NAALADL2: variants seen among roughly 807,000 people sequenced by gnomAD.
NAALADL2 encodes inactive N-acetylated-alpha-linked acidic dipeptidase-like protein 2.
In NAALADL2, 76 loss-of-function variants were observed where a neutral mutation model predicts 87.2. The observed-to-expected ratio is 0.87, with a 90% CI of 0.72 to 1.05. The LOEUF (loss-of-function observed/expected upper bound fraction) is 1.05, where lower values mean the gene tolerates loss of function less well. Ranked by LOEUF, NAALADL2 falls within the 50% of genes least tolerant of loss-of-function variation. The pLI is 0.00. For missense variants in NAALADL2, 1,089 were observed against 945.8 expected, an observed-to-expected ratio of 1.15 and a Z score of -1.99; for synonymous variants, 354 against 331.0, an observed-to-expected ratio of 1.07 and a Z score of -0.75.
intron 1 of NAALADL2, among the ~76,000 whole-genome samples, chr3:174,939,189 G>A (rs1738194406): frequency 6.6e-6 from 1 of 151,932 alleles, no homozygotes; most frequent in African/African-American, 2.4e-5. Context: ...TTTGTATATG[G>A]TGTAAGATGT....
intron 2 of NAALADL2, among the ~76,000 whole-genome samples, chr3:175,219,433 T>C (rs1455585795): frequency 6.6e-6 from 1 of 152,190 alleles, no homozygotes; most frequent in African/African-American, 2.4e-5. Context: ...TGGATGAAAG[T>C]CTTTCATTAC....
intron 1 of NAALADL2, among the ~76,000 whole-genome samples, chr3:174,928,560 A>T (rs935195223): frequency 6.6e-6 from 1 of 152,182 alleles, no homozygotes; most frequent in African/African-American, 2.4e-5. Flanking sequence ...ATTTGTAACA[A>T]TGTAATCATA....
Position 175,795,500 on chromosome 3 carries a change from C to T in NAALADL2, c.2190-7505C>T, listed in dbSNP as rs578217363. On this transcript the variant is annotated intron_variant, in intron 13 of 13. Coordinates refer to ENST00000454872, the MANE Select transcript of NAALADL2 (RefSeq NM_207015.3). ...CATTCTGGCTAATACAGTGAAACCC[C>T]GTCTCTACTAAAAAATACAAAAAAA... Among the ~76,000 whole-genome samples the T allele has an allele frequency of 4.7e-5, 7 of 147,812 alleles. No individual in the cohort carries two copies. The East Asian group carries it at 1.0e-3, about 21-fold the overall frequency.
rs1376000739 is a variant in NAALADL2 at position 175,605,656 on chromosome 3, TA to T, written c.1801-21633del. ...ATATTGCTTGTTTTTTTTTTTTTTT[TA>T]ACTGTATTTAGATAACACGTAATTA... On this transcript the variant is annotated intron_variant, in intron 10 of 13. Transcript: ENST00000454872. Among the ~76,000 whole-genome samples, 288 of 142,308 alleles carry T rather than the reference TA, an allele frequency of 2.0e-3. 2 individuals carry two copies. Among genetic ancestry groups the T allele is most frequent in the African/African-American group, 7.0e-3 (274 of 39,234 alleles). 93.4% of individuals were successfully genotyped at this position (142,308 alleles called of 152,430 possible).
At chr3:174,711,598 T>G (rs1730638765) in intron 2 of NAALADL2, among the ~76,000 whole-genome samples, 1 of 152,196 alleles carries the variant, frequency 6.6e-6, no homozygotes, top group African/African-American at 2.4e-5. Context: ...AAAATCAGAC[T>G]TTAGTCCTTT....
chr3:174,837,687 G>C (rs1002244260), intron 3 of NAALADL2, among the ~76,000 whole-genome samples: 1 of 151,946 alleles, frequency 6.6e-6, no homozygotes, highest in African/African-American at 2.4e-5. Flanking sequence ...CCAGCTACTC[G>C]GGAGGCTGAG....
At chr3:175,730,772 TCTTC>T (rs1408071445) in intron 11 of NAALADL2, among the ~76,000 whole-genome samples, 1 of 152,068 alleles carries the variant, frequency 6.6e-6, no homozygotes, top group African/African-American at 2.4e-5. Context: ...TCTAATTTAT[TCTTC>T]CTTTATCTTC....
intron 1 of NAALADL2, among the ~76,000 whole-genome samples, chr3:174,520,034 A>G (rs1467210646): frequency 2.0e-5 from 3 of 152,200 alleles, no homozygotes; most frequent in Non-Finnish European, 4.4e-5. Flanking sequence ...TACAAGGAGA[A>G]CTACAAAACA....
chr3:175,633,511 A>G (rs1728093766), intron 11 of NAALADL2, among the ~76,000 whole-genome samples: 1 of 152,002 alleles, frequency 6.6e-6, no homozygotes, highest in Non-Finnish European at 1.5e-5. Flanking sequence ...GAGTGCCAGA[A>G]GAAGTTCTAT....
chr3:175,330,705 C>A (rs930404960), intron 5 of NAALADL2, among the ~76,000 whole-genome samples: 3 of 151,928 alleles, frequency 2.0e-5, no homozygotes, highest in Non-Finnish European at 4.4e-5. Flanking sequence ...CAAAAAAATA[C>A]AAAGATTTCA....
At chr3:174,846,715 A>C (rs1281550379) in intron 3 of NAALADL2, among the ~76,000 whole-genome samples, 2 of 152,166 alleles carry the variant, frequency 1.3e-5, no homozygotes, top group Non-Finnish European at 2.9e-5. Flanking sequence ...TTTACAGAGG[A>C]GTTAAATGAG....
At chr3:174,460,347 G>C (rs1158329024) in intron 1 of NAALADL2, among the ~76,000 whole-genome samples, 1 of 151,934 alleles carries the variant, frequency 6.6e-6, no homozygotes, top group Non-Finnish European at 1.5e-5. Flanking sequence ...ATAGAACCAA[G>C]TGATACAGGT....
intron 9 of NAALADL2, among the ~76,000 whole-genome samples, chr3:175,559,656 G>A (rs977584375): frequency 6.6e-6 from 1 of 152,142 alleles, no homozygotes; most frequent in Non-Finnish European, 1.5e-5. Context: ...AAGGGATGTT[G>A]AATTTTATTA....
At chr3:175,776,910 T>C (rs2150197868) in intron 13 of NAALADL2, among the ~76,000 whole-genome samples, 1 of 152,194 alleles carries the variant, frequency 6.6e-6, no homozygotes. Flanking sequence ...AATTGTTACA[T>C]TAAAAGAGAT....
At chr3:175,187,350 G>A (rs1320757788) in intron 2 of NAALADL2, among the ~76,000 whole-genome samples, 4 of 152,148 alleles carry the variant, frequency 2.6e-5, no homozygotes, top group Non-Finnish European at 5.9e-5. Flanking sequence ...ACTGACTCAA[G>A]GGTGTTTATT....
At chr3:175,760,581 C>T (rs897058543) in intron 13 of NAALADL2, among the ~76,000 whole-genome samples, 1 of 152,150 alleles carries the variant, frequency 6.6e-6, no homozygotes, top group Non-Finnish European at 1.5e-5. Context: ...CTATCAAATC[C>T]AGCAGTGTGA....
chr3:174,654,072 G>GTC (rs1226603781), intron 2 of NAALADL2, among the ~76,000 whole-genome samples: 2 of 149,364 alleles, frequency 1.3e-5, no homozygotes, highest in Non-Finnish European at 3.0e-5. Flanking sequence ...GTGTGTGTGT[G>GTC]TGTGTGTGTG....
chr3:174,723,692 C>G (rs763573725), intron 2 of NAALADL2, among the ~76,000 whole-genome samples: 2 of 138,024 alleles, frequency 1.4e-5, no homozygotes, highest in African/African-American at 2.7e-5. Context: ...GGAGGCGGAG[C>G]TCGCAGTGAG....
chr3:175,017,907 G>A (rs1751061838), intron 1 of NAALADL2, among the ~76,000 whole-genome samples: 1 of 151,952 alleles, frequency 6.6e-6, no homozygotes, highest in Non-Finnish European at 1.5e-5. Context: ...CATGGCTTTT[G>A]CTGCTAAGCG....
Sources: allele counts gnomAD v4.1 joint callset (sites outside exome capture counted in the v4.1 genomes callset), GRCh38; gene constraint gnomAD v4.1.1; transcripts MANE v1.5; gene names NCBI Gene and HGNC (gene_info 2026-07-23, HGNC 2026-07-21).